PTPRD: variants seen among roughly 807,000 people sequenced by gnomAD.
PTPRD encodes receptor-type tyrosine-protein phosphatase delta.
PTPRD carries 34 observed loss-of-function variants against 214.5 expected under a neutral mutation model. The ratio of observed to expected loss-of-function variants is 0.16; its 90% CI spans 0.12 to 0.21. The LOEUF is 0.21. Among genes scored for constraint, PTPRD ranks in the 10% least tolerant of loss-of-function variants. The pLI is 1.00. For synonymous variants in PTPRD, 1,128 were observed against 845.7 expected, an observed-to-expected ratio of 1.33 and a Z score of -5.79; for missense variants, 2,545 against 2,398.7, an observed-to-expected ratio of 1.06 and a Z score of -1.27.
chr9:10,442,095 C>T (rs762126702), intron 2 of PTPRD, among the ~76,000 whole-genome samples: 4 of 151,646 alleles, frequency 2.6e-5, no homozygotes, highest in Non-Finnish European at 5.9e-5. Context: ...TTCTACAAAT[C>T]TAGTTCTTGA....
At position 8,594,667 on chromosome 9, in the gene PTPRD, C is replaced by T. The variant is rs538227570; in HGVS notation, c.352+38650G>A. The stretch of plus-strand genomic sequence containing the variant: ...ATATGTGTTTGACTGTTCCTCCTTC[C>T]GACGCTCTCGCTCTGTCTTGCCTGC... On this transcript the variant is annotated intron_variant, in intron 14 of 45. Coordinates refer to ENST00000381196, the MANE Select transcript of PTPRD (RefSeq NM_002839.4). 1.8e-4 allele frequency among the ~76,000 whole-genome samples: 28 copies of T among 152,052 alleles called. 1 individual carries two copies. The South Asian group carries it at 5.6e-3, about 31-fold the overall frequency.
intron 12 of PTPRD, among the ~76,000 whole-genome samples, chr9:8,661,914 CTATT>C (rs1371736031): frequency 6.6e-6 from 1 of 152,116 alleles, no homozygotes; most frequent in African/African-American, 2.4e-5. Context: ...CAACACGGAT[CTATT>C]TATTTATTTA....
At chr9:8,859,452 A>C (rs2098048212) in intron 11 of PTPRD, among the ~76,000 whole-genome samples, 1 of 152,204 alleles carries the variant, frequency 6.6e-6, no homozygotes, top group Non-Finnish European at 1.5e-5. Context: ...GGCCCATCAA[A>C]ATTTATTAGA....
chr9:9,047,555 G>C lies in PTPRD; in HGVS notation c.-142-28820C>G, dbSNP rs570803997. On this transcript the variant is annotated intron_variant, in intron 10 of 45. Coordinates refer to ENST00000381196, the MANE Select transcript of PTPRD (RefSeq NM_002839.4). The stretch of plus-strand genomic sequence containing the variant: ...GTACTGGCATAAAAACAGACACATA[G>C]ACCAATGCAACAGAATAGAGAATCC... Among the ~76,000 whole-genome samples, 4 of 152,104 alleles carry C rather than the reference G, an allele frequency of 2.6e-5. No individual in the cohort carries two copies. In the South Asian group the frequency reaches 6.2e-4, roughly 24 times the overall value.
intron 2 of PTPRD, among the ~76,000 whole-genome samples, chr9:10,482,194 A>G (rs920294507): frequency 5.9e-5 from 9 of 151,688 alleles, no homozygotes; most frequent in Non-Finnish European, 8.8e-5. Flanking sequence ...ACACAGTGAA[A>G]CCCCATCTCT....
intron 7 of PTPRD, among the ~76,000 whole-genome samples, chr9:9,730,221 T>C (rs1007199579): frequency 6.6e-6 from 1 of 152,158 alleles, no homozygotes; most frequent in African/African-American, 2.4e-5. Flanking sequence ...AGATATTGTA[T>C]GACTAATGCT....
chr9:8,979,370 C>T (rs1002681091), intron 11 of PTPRD, among the ~76,000 whole-genome samples: 4 of 151,836 alleles, frequency 2.6e-5, no homozygotes, highest in African/African-American at 9.7e-5. Context: ...GCTCAGGCTA[C>T]AAAAGCAAAA....
intron 2 of PTPRD, among the ~76,000 whole-genome samples, chr9:10,444,307 T>A (rs1267185323): frequency 6.6e-6 from 1 of 151,808 alleles, no homozygotes; most frequent in African/African-American, 2.4e-5. Context: ...TTTTAAGTAA[T>A]AAAAGATATT....
intron 3 of PTPRD, among the ~76,000 whole-genome samples, chr9:10,190,382 T>C (rs1593615286): frequency 5.9e-5 from 4 of 67,330 alleles, no homozygotes; most frequent in Admixed American, 2.8e-4. Flanking sequence ...AGACTCTATC[T>C]CCAGAAAAAA....
intron 4 of PTPRD, among the ~76,000 whole-genome samples, chr9:10,008,230 T>C (rs2096528890): frequency 6.6e-6 from 1 of 151,898 alleles, no homozygotes; most frequent in African/African-American, 2.4e-5. Flanking sequence ...CCTCACTATA[T>C]CCCCTCCCTC....
Position 10,283,413 on chromosome 9 carries a change from G to C in PTPRD, c.-545+57550C>G, listed in dbSNP as rs116932700. Among the ~76,000 whole-genome samples, 620 of 152,266 alleles carry C rather than the reference G, an allele frequency of 4.1e-3. 1 individual carries two copies. Among genetic ancestry groups the C allele is most frequent in the Non-Finnish European group, 6.2e-3 (421 of 68,022 alleles). On this transcript the variant is annotated intron_variant, in intron 3 of 45. Transcript: ENST00000381196. ...TATTTATCCCTAGAAATAAGACGAGGTCCTCAACACGATAAGAATTCAATA... is the reference window on the plus strand; with the variant it reads ...TATTTATCCCTAGAAATAAGACGAGCTCCTCAACACGATAAGAATTCAATA...
chr9:9,066,632 C>T (rs763588545), intron 10 of PTPRD, among the ~76,000 whole-genome samples: 1 of 151,932 alleles, frequency 6.6e-6, no homozygotes, highest in Non-Finnish European at 1.5e-5. Flanking sequence ...CTTGAGTGGA[C>T]CCTAAATGTG....
chr9:9,076,110 G>C (rs889845264), intron 10 of PTPRD, among the ~76,000 whole-genome samples: 1 of 152,070 alleles, frequency 6.6e-6, no homozygotes, highest in Non-Finnish European at 1.5e-5. Flanking sequence ...ATTCTAACTG[G>C]TATGAGATGG....
At chr9:8,835,926 G>T (rs1302404343) in intron 11 of PTPRD, among the ~76,000 whole-genome samples, 1 of 152,272 alleles carries the variant, frequency 6.6e-6, no homozygotes, top group East Asian at 1.9e-4. Context: ...TAGAATGGAA[G>T]CTTCCTAAGG....
chr9:10,379,986 C>T (rs1460260330), intron 2 of PTPRD, among the ~76,000 whole-genome samples: 1 of 151,974 alleles, frequency 6.6e-6, no homozygotes, highest in African/African-American at 2.4e-5. Flanking sequence ...AGGTCTTACT[C>T]TGTTGCCCAG....
intron 4 of PTPRD, among the ~76,000 whole-genome samples, chr9:9,998,115 T>TAAAAAA (rs1158744931): frequency 9.4e-6 from 1 of 105,848 alleles, no homozygotes; most frequent in Admixed American, 1.0e-4. Context: ...TAAAGTATAA[T>TAAAAAA]AAAAAAAAAA....
chr9:9,827,588 C>T (rs10816194), intron 5 of PTPRD, among the ~76,000 whole-genome samples: 51,457 of 151,892 alleles, frequency 0.34, 9,044 homozygotes, highest in African/African-American at 0.42. Context: ...ATTCAGGACA[C>T]AGGCATGGGC....
At position 8,729,054 on chromosome 9, in the gene PTPRD, C is replaced by T. The variant is rs879730892; in HGVS notation, c.64+4726G>A. On this transcript the variant is annotated intron_variant, in intron 12 of 45. Transcript: ENST00000381196. ...CAATGGCCACTCACTCTCTTTCTCA[C>T]CAAGCTCACCCCCTACCTTCAGCTT... Among the ~76,000 whole-genome samples the T allele has an allele frequency of 3.3e-5, 5 of 152,268 alleles. No individual in the cohort carries two copies. The South Asian group carries it at 8.3e-4, about 25-fold the overall frequency.
At chr9:8,729,569 A>G (rs958190940) in intron 12 of PTPRD, among the ~76,000 whole-genome samples, 4 of 152,200 alleles carry the variant, frequency 2.6e-5, no homozygotes, top group African/African-American at 9.6e-5. Flanking sequence ...TTATCTGCTA[A>G]TCTATGAGTT....
Sources: gnomAD v4.1 joint callset for allele counts (sites outside exome capture counted in the v4.1 genomes callset) on GRCh38, gnomAD v4.1.1 for gene constraint, MANE v1.5 for transcripts, NCBI Gene and HGNC (gene_info 2026-07-23, HGNC 2026-07-21) for gene names.